The following MACF1 variants were observed in gnomAD, a reference collection of about 807,000 sequenced individuals.
MACF1 encodes microtubule-actin cross-linking factor 1.
In MACF1, 193 loss-of-function variants were observed where a neutral mutation model predicts 854.8. That is an observed-to-expected ratio of 0.23 (90% CI 0.20 to 0.25). MACF1 has a LOEUF of 0.25. MACF1 is among the 10% of genes least tolerant of loss of function. MACF1 has a pLI of 1.00. For missense variants in MACF1, 7,722 were observed against 8,929.1 expected (o/e 0.86, Z 5.45); for synonymous variants, 3,185 against 3,226.7 (o/e 0.99, Z 0.44).
At chr1:39,183,665 A>G (rs992031411) in intron 2 of MACF1, among the ~76,000 whole-genome samples, 4 of 152,104 alleles carry the variant, frequency 2.6e-5, no homozygotes, top group African/African-American at 9.7e-5. Flanking sequence ...ACTGTGCCCT[A>G]CCTTAGTTCT....
chr1:39,279,018 C>T (rs980254682), intron 6 of MACF1, among the ~76,000 whole-genome samples: 2 of 152,180 alleles, frequency 1.3e-5, no homozygotes, highest in African/African-American at 4.8e-5. Flanking sequence ...GCTTTTGTTG[C>T]TTTAGAATAT....
chr1:39,228,298 G>A (rs1160158538), intron 1 of MACF1, among the ~76,000 whole-genome samples: 3 of 152,098 alleles, frequency 2.0e-5, no homozygotes, highest in Non-Finnish European at 2.9e-5. Flanking sequence ...TGACAAAAGC[G>A]AAACTCTGTC....
chr1:39,269,521 C>T lies in MACF1; in HGVS notation c.528+11493C>T, dbSNP rs1365833801. 13 of 1,289,826 alleles carry T rather than the reference C, an allele frequency of 1.0e-5. No homozygotes were observed. In the Admixed American group the frequency reaches 3.0e-4, roughly 30 times the overall value. The allele number at this position is 1,289,826 out of a possible 1,614,324, so 79.9% of individuals were successfully genotyped here. Reference sequence around the variant, plus strand: ...CCCCCCCAGGATTCCAGACTGCCTACTTCTCAGAGTGATTTGTCCATCAGT... The same window carrying T: ...CCCCCCCAGGATTCCAGACTGCCTATTTCTCAGAGTGATTTGTCCATCAGT... On this transcript the variant is annotated intron_variant, in intron 6 of 100. Transcript: ENST00000564288.
chr1:39,199,677 T>C (rs1210867557), intron 2 of MACF1, among the ~76,000 whole-genome samples: 1 of 152,114 alleles, frequency 6.6e-6, no homozygotes, highest in East Asian at 1.9e-4. Flanking sequence ...CTTAATAAAT[T>C]TTAGTTTCCC....
At chr1:39,241,054 T>G (rs1397766660) in intron 2 of MACF1, among the ~76,000 whole-genome samples, 6 of 151,892 alleles carry the variant, frequency 4.0e-5, no homozygotes, top group Admixed American at 3.9e-4. Context: ...TAATCTGTTT[T>G]TTTTTTTTTT....
intron 2 of MACF1, among the ~76,000 whole-genome samples, chr1:39,154,935 C>T (rs1486056625): frequency 6.6e-6 from 1 of 152,126 alleles, no homozygotes; most frequent in Non-Finnish European, 1.5e-5. Context: ...ATTAGTCTGC[C>T]AGATCCTAAG....
At chr1:39,287,707 A>G in intron 15 of MACF1, 145 bp downstream of exon 15, 4 of 930,228 alleles carry the variant, frequency 4.3e-6, no homozygotes, top group Non-Finnish European at 6.4e-6. Context: ...GGGTCTTGCT[A>G]TGTTGCCCAG....
rs183165396 is a variant in MACF1, at chr1:39,352,995, G to A, written c.11200-12G>A. 3 of 1,601,090 alleles carry A rather than the reference G, an allele frequency of 1.9e-6. No individual in the cohort carries two copies. The highest frequency in any genetic ancestry group is 1.7e-6 in the Non-Finnish European group (2 of 1,168,604). On this transcript the variant is annotated splice_polypyrimidine_tract_variant and intron_variant, in intron 43 of 100. Transcript: ENST00000564288. ...TAAAGCCTTCTCACTAGACTACCTCGGTGGCTTTCAGAGTAAAGCAGCAAA... is the reference window on the plus strand; with the variant it reads ...TAAAGCCTTCTCACTAGACTACCTCAGTGGCTTTCAGAGTAAAGCAGCAAA...
At position 39,430,774 on chromosome 1, in the gene MACF1, G is replaced by A. The variant is rs1247281039; in HGVS notation, c.17203G>A (p.Glu5735Lys). 1.2e-6 allele frequency: 2 copies of A among 1,612,460 alleles called. No individual in the cohort carries two copies. Among genetic ancestry groups the A allele is most frequent in the Admixed American group, 1.7e-5 (1 of 60,008 alleles). ...GAATGAGGTGAGCCGTGCTCTCTTA[G>A]AGCTGGTGCCCTGGAGAGCCAGAGA... ...TVNEVSRALL[E>K]LVPWRAREGL... Residue 5735 changes from glutamate (E) to lysine (K), a missense_variant, in exon 66 of 101, where the codon GAG becomes AAG. Coordinates refer to ENST00000564288, the MANE Select transcript of MACF1 (RefSeq NM_001394062.1).
In MACF1 at chr1:39,334,869, A is replaced by G. The variant is rs139096419; in HGVS notation, c.8281A>G (p.Ile2761Val). The stretch of plus-strand genomic sequence containing the variant: ...CCCTGAACTGGCAAATATGATCCAA[A>G]TAGATAGTTCAGAGTTCAGCGATCA... ...ISPELANMIQ[I>V]DSSEFSDHRA... The change falls in exon 37 of 101, where the codon ATA becomes GTA. Residue 2761 changes from isoleucine (I) to valine (V), a missense_variant. Ile to Val is a conservative substitution (Grantham distance 29, BLOSUM62 3). Transcript: ENST00000564288. 1.9e-4 allele frequency: 299 copies of G among 1,614,202 alleles called. No individual in the cohort carries two copies. In the African/African-American group the frequency reaches 3.6e-3, roughly 19 times the overall value.
chr1:39,240,040 C>A (rs1004444115), intron 2 of MACF1, among the ~76,000 whole-genome samples: 6 of 152,160 alleles, frequency 3.9e-5, no homozygotes. Flanking sequence ...GCATGAGCCA[C>A]CACACCTGGC....
intron 2 of MACF1, among the ~76,000 whole-genome samples, chr1:39,134,668 GGTTAAATGA>G (rs892655365): frequency 2.0e-5 from 3 of 152,094 alleles, no homozygotes; most frequent in African/African-American, 7.2e-5. Flanking sequence ...TTTTTGTAAA[GGTTAAATGA>G]GTTAATATAC....
Position 39,432,572 on chromosome 1 carries a change from C to A in MACF1, c.17375C>A (p.Ala5792Asp). 1 of 1,613,996 alleles carries A rather than the reference C, an allele frequency of 6.2e-7. No homozygotes were observed. Among genetic ancestry groups the A allele is most frequent in the East Asian group, 2.2e-5 (1 of 44,870 alleles). ...QAADAELAWV[A>D]ETKRKLMALG... ...GCCGATGCAGAACTAGCTTGGGTTG[C>A]TGAAACAAAACGGAAACTGATGGCT... The change falls in exon 67 of 101, where the codon GCT (alanine) becomes GAT (aspartate). Residue 5792 changes from alanine (A) to aspartate (D), a missense_variant. By Grantham distance (126) the Ala-to-Asp change is moderately radical. Coordinates refer to ENST00000564288, the MANE Select transcript of MACF1 (RefSeq NM_001394062.1).
chr1:39,095,923 CTT>C lies in MACF1; in HGVS notation c.220+11487_220+11488del, dbSNP rs1361180401. Among the ~76,000 whole-genome samples the C allele has an allele frequency of 1.1e-3, 161 of 151,202 alleles. 1 individual carries two copies. Among genetic ancestry groups the C allele is most frequent in the African/African-American group, 3.9e-3 (158 of 40,792 alleles). On this transcript the variant is annotated intron_variant, in intron 2 of 93. Coordinates refer to the MACF1 transcript ENST00000361689. ...ATGGCTCATGCCTGTAATCCCAACA[CTT>C]TGGGAGGCCAAGGCAGGAGAATCAC... is the stretch of plus-strand genomic sequence containing the variant.
intron 23 of MACF1, 132 bp downstream of exon 23, chr1:39,303,210 T>A (rs565654214): frequency 9.8e-7 from 1 of 1,019,322 alleles, no homozygotes; most frequent in East Asian, 2.7e-5. Context: ...GGCTTCTCAT[T>A]GGAGATATCA....
chr1:39,417,885 ATAT>A (rs1033141660), intron 58 of MACF1, among the ~76,000 whole-genome samples: 1 of 151,760 alleles, frequency 6.6e-6, no homozygotes, highest in African/African-American at 2.4e-5. Flanking sequence ...GCCTGAGTAA[ATAT>A]TATGAGTACC....
chr1:39,426,464 C>G (rs1326124094), intron 61 of MACF1, among the ~76,000 whole-genome samples: 2 of 152,168 alleles, frequency 1.3e-5, no homozygotes, highest in Non-Finnish European at 2.9e-5. Flanking sequence ...TTTAGTAATT[C>G]AAAGACAACA....
At chr1:39,435,360 A>G (rs1362538432) in intron 69 of MACF1, among the ~76,000 whole-genome samples, 198 bp from the exon 70 acceptor site, 2 of 152,224 alleles carry the variant, frequency 1.3e-5, no homozygotes, top group East Asian at 3.8e-4. Context: ...CTGACTTTCA[A>G]AAATTAAATT....
chr1:39,182,488 A>G (rs1644117690), intron 2 of MACF1, among the ~76,000 whole-genome samples: 1 of 152,226 alleles, frequency 6.6e-6, no homozygotes. Flanking sequence ...CAAAATATAT[A>G]AAGAATTCTT....
Sources: allele counts gnomAD v4.1 joint callset (sites outside exome capture counted in the v4.1 genomes callset), GRCh38; gene constraint gnomAD v4.1.1; transcripts MANE v1.5; gene names NCBI Gene and HGNC (gene_info 2026-07-23, HGNC 2026-07-21).